The following RFTN1 variants were observed in gnomAD, a reference collection of about 807,000 sequenced individuals.
RFTN1 encodes raftlin.
RFTN1 carries 26 observed loss-of-function variants against 46.5 expected under a neutral mutation model. That is an observed-to-expected ratio of 0.56 (90% CI 0.41 to 0.78). The LOEUF is 0.78. Ranked by LOEUF, RFTN1 falls within the 30% of genes least tolerant of loss-of-function variation. The pLI, the probability that RFTN1 is intolerant of heterozygous loss-of-function variation, is 0.00. For synonymous variants in RFTN1, 261 were observed against 284.2 expected (o/e 0.92, Z 0.82); for missense variants, 693 against 718.7 (o/e 0.96, Z 0.41).
chr3:16,455,314 A>G (rs2075887409), intron 2 of RFTN1, among the ~76,000 whole-genome samples: 1 of 152,228 alleles, frequency 6.6e-6, no homozygotes, highest in Non-Finnish European at 1.5e-5. Context: ...CTTATTTGGC[A>G]AAAGCCACAA....
intron 7 of RFTN1, among the ~76,000 whole-genome samples, chr3:16,331,042 T>C (rs2070254932): frequency 6.6e-6 from 1 of 152,214 alleles, no homozygotes; most frequent in African/African-American, 2.4e-5. Flanking sequence ...AAGAAAGGAA[T>C]TTGATTTCCC....
rs1361829463 is a variant in RFTN1 at position 16,387,411 on chromosome 3, A to C, written c.442-9309T>G. Among the ~76,000 whole-genome samples the C allele has an allele frequency of 6.6e-6, 1 of 152,154 alleles. No homozygotes were observed. Among genetic ancestry groups the C allele is most frequent in the African/African-American group, 2.4e-5 (1 of 41,430 alleles). ...AAGACAAAATCGAGGTCAGAAGCTG[A>C]GAAGCCCATCCCCATGTCCTCTTCT... On this transcript the variant is annotated intron_variant, in intron 4 of 9. Coordinates refer to ENST00000334133, the MANE Select transcript of RFTN1 (RefSeq NM_015150.2). The surrounding 1 kb of genome is among the most constrained non-coding windows in gnomAD (Gnocchi z 5.2).
intron 2 of RFTN1, among the ~76,000 whole-genome samples, chr3:16,482,264 C>CA (rs2076378566): frequency 6.6e-6 from 1 of 152,048 alleles, no homozygotes; most frequent in African/African-American, 2.4e-5. Flanking sequence ...TCAAGCAGAA[C>CA]AAAAAACATC....
chr3:16,317,564 G>A lies in RFTN1; in HGVS notation c.1333-332C>T, dbSNP rs574668. On this transcript the variant is annotated intron_variant, in intron 9 of 9. Transcript: ENST00000334133. This position sits in a 1 kb window ranked among gnomAD's most constrained non-coding sequence, Gnocchi z 4.3. ...GTCCTATCATTTGGAGGGCCAGGAT[G>A]GAGAGGAGATGTGAGGCCTGCCCCC... Among the ~76,000 whole-genome samples the A allele has an allele frequency of 0.35, 52,488 of 152,090 alleles. 9,966 individuals are homozygous for A. The highest frequency in any genetic ancestry group is 0.42 in the Non-Finnish European group (28,385 of 67,966).
Position 16,316,772 on chromosome 3 carries a change from G to T in RFTN1, c.*56C>A. 6.2e-7 allele frequency: 1 copy of T among 1,602,292 alleles called. No homozygotes were observed. The highest frequency in any genetic ancestry group is 8.5e-7 in the Non-Finnish European group (1 of 1,171,624). Reference sequence around the variant, plus strand: ...GAAACCAGCCCCCAAACCAGCTGTTGGTAAGATGCCTTGGGTTTGGCAACT... The same window carrying T: ...GAAACCAGCCCCCAAACCAGCTGTTTGTAAGATGCCTTGGGTTTGGCAACT... On this transcript the variant is annotated 3_prime_UTR_variant, in exon 10 of 10. Transcript: ENST00000334133. The surrounding 1 kb of genome is among the most constrained non-coding windows in gnomAD (Gnocchi z 4.5).
chr3:16,411,221 A>G (rs1240368646), intron 3 of RFTN1, among the ~76,000 whole-genome samples: 1 of 152,190 alleles, frequency 6.6e-6, no homozygotes, highest in Admixed American at 6.5e-5. Context: ...TGAACTCCTG[A>G]GATACATGCA....
At chr3:16,431,459 A>G (rs565082761) in intron 3 of RFTN1, among the ~76,000 whole-genome samples, 1 of 152,176 alleles carries the variant, frequency 6.6e-6, no homozygotes, top group Admixed American at 6.5e-5. Context: ...GGAGACTCAC[A>G]AGCACATTAA....
At position 16,410,822 on chromosome 3, in the gene RFTN1, G is replaced by A. The variant is rs2074969072; in HGVS notation, c.333-1339C>T. Among the ~76,000 whole-genome samples the A allele has an allele frequency of 6.6e-6, 1 of 152,208 alleles. No homozygotes were observed. Among genetic ancestry groups the A allele is most frequent in the Non-Finnish European group, 1.5e-5 (1 of 68,042 alleles). ...ACCCATTCAGGAGAGCCAGCAGCAA[G>A]TGGTCACCAGGAGGAAATTCCACCA... is the stretch of plus-strand genomic sequence containing the variant. On this transcript the variant is annotated intron_variant, in intron 3 of 9. Transcript: ENST00000334133. The surrounding 1 kb of genome is among the most constrained non-coding windows in gnomAD (Gnocchi z 4.6).
At position 16,474,372 on chromosome 3, in the gene RFTN1, G is replaced by C. The variant is rs771691092; in HGVS notation, c.145+19353C>G. ...GCCCATGCTTTTAATCACTCTGCCA[G>C]CACTATTCCCTGACATGCAGGGTGA... On this transcript the variant is annotated intron_variant, in intron 2 of 9. Transcript: ENST00000334133. This position sits in a 1 kb window ranked among gnomAD's most constrained non-coding sequence, Gnocchi z 5.5. Among the ~76,000 whole-genome samples, 6 of 152,216 alleles carry C rather than the reference G, an allele frequency of 3.9e-5. No homozygotes were observed. Among genetic ancestry groups the C allele is most frequent in the Admixed American group, 1.3e-4 (2 of 15,284 alleles).
intron 4 of RFTN1, among the ~76,000 whole-genome samples, chr3:16,393,019 C>G (rs191522802): frequency 6.6e-6 from 1 of 152,232 alleles, no homozygotes; most frequent in East Asian, 1.9e-4. Context: ...TATAAACATT[C>G]ACTGAGCACA....
chr3:16,438,072 A>C (rs2075550167), intron 2 of RFTN1, among the ~76,000 whole-genome samples: 1 of 152,146 alleles, frequency 6.6e-6, no homozygotes, highest in Non-Finnish European at 1.5e-5. Context: ...ACTATATACA[A>C]ACAGCATCTG....
chr3:16,409,620 C>T, intron 3 of RFTN1, 137 bp from the exon 4 acceptor site: 1 of 565,464 alleles, frequency 1.8e-6, no homozygotes, highest in Non-Finnish European at 3.3e-6. Context: ...CGGGTTCAAG[C>T]AATTGTCCTG....
At chr3:16,431,773 TGGG>T (rs1355267401) in intron 3 of RFTN1, among the ~76,000 whole-genome samples, 1 of 152,178 alleles carries the variant, frequency 6.6e-6, no homozygotes, top group Admixed American at 6.5e-5. Context: ...AGGGGTAAAA[TGGG>T]GGAAAGGTTG....
intron 1 of RFTN1, among the ~76,000 whole-genome samples, chr3:16,503,741 G>A (rs1383077492): frequency 6.6e-6 from 1 of 152,028 alleles, no homozygotes; most frequent in African/African-American, 2.4e-5. Flanking sequence ...AGTCTCCTCT[G>A]CCATCCTCCC....
At chr3:16,444,795 C>A (rs1201145111) in intron 2 of RFTN1, among the ~76,000 whole-genome samples, 1 of 152,196 alleles carries the variant, frequency 6.6e-6, no homozygotes, top group Non-Finnish European at 1.5e-5. Context: ...TTTCACTTTG[C>A]AAACATTTAT....
chr3:16,399,286 A>C (rs947034237), intron 4 of RFTN1, among the ~76,000 whole-genome samples: 4 of 152,240 alleles, frequency 2.6e-5, no homozygotes, highest in Admixed American at 2.0e-4. Context: ...TTAAAAAAAC[A>C]ACCTCAGAAC....
rs954050695 is a variant in RFTN1 at position 16,329,745 on chromosome 3, A to G, written c.1147-2869T>C. ...TGCGAGGTTATGATTACTTGGGCCT[A>G]TCAAGAATAACCTTCCCACTTTATC... On this transcript the variant is annotated intron_variant, in intron 7 of 9. Coordinates refer to ENST00000334133, the MANE Select transcript of RFTN1 (RefSeq NM_015150.2). This position sits in a 1 kb window ranked among gnomAD's most constrained non-coding sequence, Gnocchi z 4.5. 1.3e-5 allele frequency among the ~76,000 whole-genome samples: 2 copies of G among 152,148 alleles called. No homozygotes were observed. Among genetic ancestry groups the G allele is most frequent in the African/African-American group, 4.8e-5 (2 of 41,434 alleles).
rs1018413806 is a variant in RFTN1 at position 16,436,366 on chromosome 3, T to G, written c.146-2329A>C. Reference sequence around the variant, plus strand: ...TTGCCATGAAAAAAAAAATTTTTTTTTTTTTTTTAAGACAAAGTCTCTCTC... The same window carrying G: ...TTGCCATGAAAAAAAAAATTTTTTTGTTTTTTTTAAGACAAAGTCTCTCTC... On this transcript the variant is annotated intron_variant, in intron 2 of 9. Coordinates refer to ENST00000334133, the MANE Select transcript of RFTN1 (RefSeq NM_015150.2). Among the ~76,000 whole-genome samples the G allele has an allele frequency of 9.9e-5, 15 of 152,092 alleles. No individual in the cohort carries two copies. In the East Asian group the frequency reaches 2.9e-3, roughly 29 times the overall value.
chr3:16,404,756 G>A (rs1045526527), intron 4 of RFTN1, among the ~76,000 whole-genome samples: 3 of 151,794 alleles, frequency 2.0e-5, no homozygotes, highest in Non-Finnish European at 4.4e-5. Context: ...ACACCTCTCC[G>A]AAGCTCTCTC....
Sources: gnomAD v4.1 joint callset for allele counts (sites outside exome capture counted in the v4.1 genomes callset) on GRCh38, gnomAD v4.1.1 for gene constraint, Gnocchi (gnomAD v3.1) non-coding constraint, MANE v1.5 for transcripts, NCBI Gene and HGNC (gene_info 2026-07-23, HGNC 2026-07-21) for gene names.